Variants in SYTL5 observed in about 807,000 individuals in gnomAD.
The protein encoded by SYTL5 is synaptotagmin like 5.
Under a neutral mutation model 55.9 loss-of-function variants are expected in SYTL5, and 34 were observed. The observed-to-expected ratio is 0.61, with a 90% CI of 0.46 to 0.81. SYTL5 has a LOEUF of 0.81. Ranked by LOEUF, SYTL5 falls within the 30% of genes least tolerant of loss-of-function variation. The pLI is 0.00. For synonymous variants in SYTL5, 221 were observed against 188.7 expected (o/e 1.17, Z -1.40); for missense variants, 637 against 546.7 (o/e 1.17, Z -1.65).
the SYTL5 span, among the ~76,000 whole-genome samples, chrX:37,966,691 C>T: frequency 9.0e-6 from 1 of 111,147 alleles, no homozygotes; most frequent in Non-Finnish European, 1.9e-5. Context: ...CTGCCTTGGC[C>T]TCTCAAAGTG....
the SYTL5 span, among the ~76,000 whole-genome samples, chrX:37,898,099 C>CA: frequency 7.9e-4 from 84 of 106,184 alleles, no homozygotes; most frequent in South Asian, 3.6e-3. Flanking sequence ...AACTCTGTCT[C>CA]AAAAAAAAAA....
rs1365276685 is a variant in SYTL5, at chrX:38,072,093, A to G, written c.376A>G (p.Lys126Glu). ...TGAGTGGTTTTTTGAAGAAAAGGCAAAACGTTTCAAGCAAGTCAATGTTCT... is the reference window on the plus strand; with the variant it reads ...TGAGTGGTTTTTTGAAGAAAAGGCAGAACGTTTCAAGCAAGTCAATGTTCT... ...TGEWFFEEKA[K>E]RFKQVNVLGT... The change falls in exon 4 of 17, where the codon AAA becomes GAA. Residue 126 changes from lysine (K) to glutamate (E), a missense_variant. Transcript: ENST00000297875. The G allele has an allele frequency of 9.1e-6, 11 of 1,209,471 alleles. No homozygotes were observed. The highest frequency in any genetic ancestry group is 1.2e-5 in the Non-Finnish European group (11 of 894,703).
intron 1 of SYTL5, among the ~76,000 whole-genome samples, chrX:38,021,998 A>T (rs1381442897): frequency 1.8e-5 from 2 of 112,639 alleles, no homozygotes; most frequent in African/African-American, 6.4e-5. Flanking sequence ...TTCAACCTGG[A>T]TAGAATAGTA....
At chrX:38,093,954 T>C (rs1924945226) in intron 7 of SYTL5, among the ~76,000 whole-genome samples, 1 of 111,271 alleles carries the variant, frequency 9.0e-6, no homozygotes, top group Admixed American at 9.6e-5. Context: ...AGTGTGAATC[T>C]TGACAGATTA....
At chrX:38,099,798 T>A (rs1937038320) in intron 9 of SYTL5, among the ~76,000 whole-genome samples, 1 of 111,683 alleles carries the variant, frequency 9.0e-6, no homozygotes, top group Non-Finnish European at 1.9e-5. Context: ...GTTGATTTTG[T>A]CAAGTGCCTT....
At chrX:37,994,159 T>C in the SYTL5 span, among the ~76,000 whole-genome samples, 1 of 112,229 alleles carries the variant, frequency 8.9e-6, no homozygotes, top group East Asian at 2.8e-4. Flanking sequence ...GGCTGAGGCC[T>C]GATCAGAGCC....
chrX:38,098,128 G>A (rs141782319), intron 9 of SYTL5, among the ~76,000 whole-genome samples: 2,747 of 110,464 alleles, frequency 0.025, 78 homozygotes, highest in African/African-American at 0.085. Flanking sequence ...CTTTCAGTTA[G>A]GCAAAGAATT....
chrX:37,928,116 G>T, the SYTL5 span, among the ~76,000 whole-genome samples: 1 of 112,077 alleles, frequency 8.9e-6, no homozygotes, highest in Non-Finnish European at 1.9e-5. Context: ...ATATATACCT[G>T]TCCAGAATCA....
chrX:37,965,803 T>C, the SYTL5 span, among the ~76,000 whole-genome samples: 1 of 112,645 alleles, frequency 8.9e-6, no homozygotes, highest in East Asian at 2.8e-4. Context: ...TGGGTGCATA[T>C]ATATTTATAG....
At chrX:37,953,999 A>G in the SYTL5 span, among the ~76,000 whole-genome samples, 1 of 112,032 alleles carries the variant, frequency 8.9e-6, no homozygotes, top group African/African-American at 3.2e-5. Flanking sequence ...AGTTAAAGAA[A>G]AAAAGAGAAT....
chrX:38,016,257 C>A (rs139142734), intron 1 of SYTL5, among the ~76,000 whole-genome samples: 1 of 111,610 alleles, frequency 9.0e-6, no homozygotes, highest in African/African-American at 3.3e-5. Flanking sequence ...TGGCTCTTGG[C>A]GCAAAAAGTC....
In SYTL5 at chrX:38,106,630, C is replaced by T. The variant is rs777808106; in HGVS notation, c.1193C>T (p.Thr398Met). The T allele has an allele frequency of 8.3e-6, 10 of 1,207,526 alleles. No homozygotes were observed. The highest frequency in any genetic ancestry group is 1.1e-5 in the Non-Finnish European group (10 of 893,775). Residue 398 changes from threonine to methionine, a missense_variant, in exon 11 of 17, where the codon ACG becomes ATG. Coordinates refer to ENST00000297875, the MANE Select transcript of SYTL5 (RefSeq NM_138780.3). ...AGCATGATGAGCGTTTACAGTGAAACGGGAGACTATGGCAACGTGAAAGTC... is the reference window on the plus strand; with the variant it reads ...AGCATGATGAGCGTTTACAGTGAAATGGGAGACTATGGCAACGTGAAAGTC... ...LNSMMSVYSETGDYGNVKVSG... is the reference protein window; with the variant it reads ...LNSMMSVYSEMGDYGNVKVSG...
At chrX:37,918,478 C>T in the SYTL5 span, among the ~76,000 whole-genome samples, 4 of 111,917 alleles carry the variant, frequency 3.6e-5, no homozygotes, top group African/African-American at 1.3e-4. Context: ...ATTAGCAAAC[C>T]CAGCCAAAAT....
At chrX:37,963,008 C>G in the SYTL5 span, among the ~76,000 whole-genome samples, 1 of 111,945 alleles carries the variant, frequency 8.9e-6, no homozygotes, top group Non-Finnish European at 1.9e-5. Context: ...ACAATATTCA[C>G]TCCTTCAATC....
chrX:38,020,632 CT>C lies in SYTL5; in HGVS notation c.-356-12900del, dbSNP rs970632073. On this transcript the variant is annotated intron_variant, in intron 1 of 16. Transcript: ENST00000297875. Reference sequence around the variant, plus strand: ...AAGGAATTGCTAAGATTTATAAATTCTTAATAGAAAGTCTAGGAAGCCAGAG... The same window carrying C: ...AAGGAATTGCTAAGATTTATAAATTCTAATAGAAAGTCTAGGAAGCCAGAG... 5.5e-4 allele frequency among the ~76,000 whole-genome samples: 59 copies of C among 107,936 alleles called. 1 individual carries two copies. The highest frequency in any genetic ancestry group is 1.9e-3 in the African/African-American group (57 of 29,770). 93.7% of individuals were successfully genotyped at this position (107,936 alleles called of 115,157 possible).
chrX:38,110,156 T>C (rs991924097), intron 12 of SYTL5, among the ~76,000 whole-genome samples, 165 bp from the exon 13 acceptor site: 13 of 111,759 alleles, frequency 1.2e-4, no homozygotes, highest in African/African-American at 3.9e-4. Context: ...GCATAGAACT[T>C]CAATTGTAGC....
chrX:38,002,143 G>A (rs1282367787), upstream of SYTL5, among the ~76,000 whole-genome samples: 1 of 110,135 alleles, frequency 9.1e-6, no homozygotes, highest in Non-Finnish European at 1.9e-5. Context: ...GCAATAGTTT[G>A]CTGAGAATGA....
chrX:38,104,982 C>T (rs1283291783), intron 10 of SYTL5, among the ~76,000 whole-genome samples: 2 of 112,479 alleles, frequency 1.8e-5, no homozygotes, highest in East Asian at 5.6e-4. Flanking sequence ...TTTGGCTTCT[C>T]TTTGACATAT....
the SYTL5 span, among the ~76,000 whole-genome samples, chrX:37,987,902 C>T: frequency 4.5e-5 from 5 of 111,866 alleles, no homozygotes; most frequent in African/African-American, 1.6e-4. Flanking sequence ...ATAACGAATA[C>T]TTTGTTTGCT....
Sources: gnomAD v4.1 joint callset for allele counts (sites outside exome capture counted in the v4.1 genomes callset) on GRCh38, gnomAD v4.1.1 for gene constraint, MANE v1.5 for transcripts, NCBI Gene and HGNC (gene_info 2026-07-23, HGNC 2026-07-21) for gene names.